Variants in MROH1 observed in about 807,000 individuals in gnomAD.
MROH1 encodes maestro heat-like repeat-containing protein family member 1.
Under a neutral mutation model 116.5 loss-of-function variants are expected in MROH1, and 117 were observed. The ratio of observed to expected loss-of-function variants is 1.00; its 90% CI spans 0.86 to 1.17. The LOEUF is 1.17. Ranked by LOEUF, MROH1 falls within the 50% of genes most tolerant of loss-of-function variation. The pLI is 0.00. For missense variants in MROH1, 1,873 were observed against 1,338.5 expected, an observed-to-expected ratio of 1.40 and a Z score of -6.23; for synonymous variants, 921 against 583.9, an observed-to-expected ratio of 1.58 and a Z score of -8.32.
chr8:144,234,039 T>C (rs1839489500), intron 14 of MROH1, among the ~76,000 whole-genome samples: 2 of 152,222 alleles, frequency 1.3e-5, no homozygotes, highest in Admixed American at 1.3e-4. Context: ...AGACGGAGTC[T>C]TGCTCTGTCG....
chr8:144,255,513 C>T lies in MROH1; in HGVS notation c.3599C>T (p.Thr1200Ile). Residue 1200 changes from threonine to isoleucine, a missense_variant, in exon 35 of 44, where the codon ACC (threonine) becomes ATC (isoleucine). By Grantham distance (89) the Thr-to-Ile change is moderately conservative (BLOSUM62 -1). Coordinates refer to ENST00000326134, the MANE Select transcript of MROH1 (RefSeq NM_032450.3). ...CTGTGATGACTTCTCCCCCAGGCTA[C>T]CTGTGCACTGTTTGAGGTCATGTCC... ...RVATLLPLSATCALFEVMSTP... is the reference protein window; with the variant it reads ...RVATLLPLSAICALFEVMSTP... 1.3e-6 allele frequency: 1 copy of T among 778,906 alleles called. No homozygotes were observed. The highest frequency in any genetic ancestry group is 2.4e-6 in the Non-Finnish European group (1 of 417,776). 48.2% of individuals were successfully genotyped at this position (778,906 alleles called of 1,614,324 possible).
rs920073207 is a variant in MROH1, at chr8:144,163,783, G to A, written c.-44G>A. ...TTGGTTATTCCAGATGGGAGAAGAAGTTGTCCATGTTCACACTGGGTGAAG... is the reference window on the plus strand; with the variant it reads ...TTGGTTATTCCAGATGGGAGAAGAAATTGTCCATGTTCACACTGGGTGAAG... On this transcript the variant is annotated 5_prime_UTR_variant, in exon 3 of 44. Coordinates refer to ENST00000326134, the MANE Select transcript of MROH1 (RefSeq NM_032450.3). The surrounding 1 kb of genome is among the most constrained non-coding windows in gnomAD (Gnocchi z 4.4). 8 of 1,610,492 alleles carry A rather than the reference G, an allele frequency of 5.0e-6. No individual in the cohort carries two copies. The highest frequency in any genetic ancestry group is 5.9e-6 in the Non-Finnish European group (7 of 1,177,648).
At chr8:144,165,982 A>T (rs1355297817) in intron 3 of MROH1, among the ~76,000 whole-genome samples, 3 of 148,324 alleles carry the variant, frequency 2.0e-5, no homozygotes, top group African/African-American at 7.5e-5. Context: ...AGGTTCAAGC[A>T]ATTCTCCTGC....
intron 12 of MROH1, among the ~76,000 whole-genome samples, chr8:144,206,043 G>A (rs940810384): frequency 3.9e-5 from 6 of 152,128 alleles, no homozygotes; most frequent in African/African-American, 1.4e-4. Flanking sequence ...CTACTGTTAA[G>A]AAGTGACCTC....
chr8:144,236,157 A>G (rs1466784262), intron 14 of MROH1, among the ~76,000 whole-genome samples: 9 of 152,322 alleles, frequency 5.9e-5, no homozygotes, highest in Admixed American at 5.9e-4. Flanking sequence ...CTTTCAAAGA[A>G]TTGAGACCAG....
chr8:144,218,191 C>T lies in MROH1; in HGVS notation c.1142-2409C>T, dbSNP rs141894710. On this transcript the variant is annotated intron_variant, in intron 12 of 43. Transcript: ENST00000326134. ...TGGCAGTTTGCTGTCATAAACAGGC[C>T]GCCCTGCATATGTCAGAGCTCCTCT... Among the ~76,000 whole-genome samples the T allele has an allele frequency of 8.5e-5, 13 of 152,232 alleles. No individual in the cohort carries two copies. In the East Asian group the frequency reaches 1.2e-3, roughly 14 times the overall value.
chr8:144,235,333 G>A (rs1440090575), intron 14 of MROH1, among the ~76,000 whole-genome samples: 3 of 151,850 alleles, frequency 2.0e-5, no homozygotes, highest in African/African-American at 7.3e-5. Flanking sequence ...TTTTTTTTCA[G>A]TCTGGATGCG....
chr8:144,150,147 C>G (rs1169211552), intron 1 of MROH1, among the ~76,000 whole-genome samples: 5 of 152,124 alleles, frequency 3.3e-5, no homozygotes, highest in Non-Finnish European at 7.3e-5. Flanking sequence ...GTTGTGGGCA[C>G]AGGTGTGGCA....
chr8:144,168,297 C>CTG lies in MROH1; in HGVS notation c.26_27dup (p.Ala10TrpfsTer58). Reference sequence around the variant, plus strand: ...CTAACCAGGCTTTGTCGCTGCAGAGCTGGCCTCCACCCTGCTGGACGCCAT... The same window carrying CTG: ...CTAACCAGGCTTTGTCGCTGCAGAGCTGTGGCCTCCACCCTGCTGGACGCCAT... On this transcript the variant is annotated frameshift_variant, in exon 4 of 44. Transcript: ENST00000326134. LOFTEE classifies it high-confidence loss of function. 7 of 1,599,190 alleles carry CTG rather than the reference C, an allele frequency of 4.4e-6. No homozygotes were observed. Among genetic ancestry groups the CTG allele is most frequent in the Non-Finnish European group, 6.0e-6 (7 of 1,176,292 alleles).
intron 34 of MROH1, 24 bp downstream of exon 34, chr8:144,255,002 C>T: frequency 2.7e-6 from 2 of 734,656 alleles, no homozygotes; most frequent in South Asian, 2.9e-5. Context: ...TCGGGGCCAC[C>T]TTGACACGCT....
At chr8:144,201,185 T>C (rs1831051401) in intron 12 of MROH1, 1 of 151,704 alleles carries the variant, frequency 6.6e-6, no homozygotes, top group Non-Finnish European at 1.5e-5. Flanking sequence ...GCCTCCCGAG[T>C]AGCTGGAACT....
At chr8:144,241,559 C>A in intron 22 of MROH1, 42 bp downstream of exon 22, 1 of 776,642 alleles carries the variant, frequency 1.3e-6, no homozygotes, top group Non-Finnish European at 2.4e-6. Flanking sequence ...GGCTGTCTAT[C>A]CACAAGTTTG....
At chr8:144,256,836 G>C (rs998792862) in intron 35 of MROH1, among the ~76,000 whole-genome samples, 3 of 152,252 alleles carry the variant, frequency 2.0e-5, no homozygotes, top group African/African-American at 7.2e-5. Context: ...TAGATTTGTC[G>C]AAGCTGGTTG....
chr8:144,218,565 C>T (rs1296320037), intron 12 of MROH1, among the ~76,000 whole-genome samples: 1 of 151,406 alleles, frequency 6.6e-6, no homozygotes, highest in Non-Finnish European at 1.5e-5. Flanking sequence ...GTGTCCACCA[C>T]AGTGGCTGTC....
intron 1 of MROH1, among the ~76,000 whole-genome samples, 191 bp downstream of exon 1, chr8:144,148,267 G>C (rs1194796446): frequency 3.3e-5 from 5 of 152,132 alleles, no homozygotes; most frequent in African/African-American, 4.8e-5. Flanking sequence ...GCTCAGGTGT[G>C]CGCCGCGCCA....
chr8:144,209,083 G>A (rs1442360821), intron 12 of MROH1, among the ~76,000 whole-genome samples: 1 of 147,404 alleles, frequency 6.8e-6, no homozygotes, highest in Non-Finnish European at 1.5e-5. Context: ...GTTTAGTGGA[G>A]ACGGAGTTTC....
At chr8:144,198,952 G>A (rs953475345) in intron 10 of MROH1, among the ~76,000 whole-genome samples, 170 bp from the exon 11 acceptor site, 1 of 152,166 alleles carries the variant, frequency 6.6e-6, no homozygotes, top group Non-Finnish European at 1.5e-5. Context: ...AGACTGTCCT[G>A]CATCCAGGGC....
rs1845142554 is a variant in MROH1, at chr8:144,261,842, G to C, written c.*102G>C. 1.4e-6 allele frequency: 1 copy of C among 696,512 alleles called. No homozygotes were observed. 43.1% of individuals were successfully genotyped at this position (696,512 alleles called of 1,614,324 possible). A position where few individuals can be genotyped will look rare whatever the true frequency, so the allele number is the denominator to read the frequency against. On this transcript the variant is annotated 3_prime_UTR_variant, in exon 44 of 44. Coordinates refer to ENST00000326134, the MANE Select transcript of MROH1 (RefSeq NM_032450.3). ...CCACAGCCTGGGCACACGACTGGAG[G>C]GGCCTGGCCCCAGAACAGGCACTGC...
intron 12 of MROH1, among the ~76,000 whole-genome samples, chr8:144,209,905 CAAAAAA>C (rs35823965): frequency 9.1e-6 from 1 of 109,816 alleles, no homozygotes; most frequent in African/African-American, 4.0e-5. Flanking sequence ...GACCCTGTCT[CAAAAAA>C]AAAAAAAAAA....
Sources: allele counts gnomAD v4.1 joint callset (sites outside exome capture counted in the v4.1 genomes callset), GRCh38; gene constraint gnomAD v4.1.1; non-coding constraint Gnocchi (gnomAD v3.1); transcripts MANE v1.5; gene names NCBI Gene and HGNC (gene_info 2026-07-23, HGNC 2026-07-21).